The following KCNT1 variants were observed in gnomAD, a reference collection of about 807,000 sequenced individuals.
The protein encoded by KCNT1 is potassium sodium-activated channel subfamily T member 1.
KCNT1 carries 78 observed loss-of-function variants against 147.8 expected under a neutral mutation model. The ratio of observed to expected loss-of-function variants is 0.53; its 90% confidence interval spans 0.44 to 0.64. The LOEUF (loss-of-function observed/expected upper bound fraction) is 0.64. KCNT1 is among the 30% of genes least tolerant of loss of function. The pLI is 0.00. For missense variants in KCNT1, 1,419 were observed against 1,750.3 expected (o/e 0.81, Z 3.38); for synonymous variants, 867 against 748.8 (o/e 1.16, Z -2.58).
At chr9:135,781,117 C>T (rs546008484) in intron 24 of KCNT1, among the ~76,000 whole-genome samples, 2 of 152,362 alleles carry the variant, frequency 1.3e-5, no homozygotes, top group African/African-American at 2.4e-5. Flanking sequence ...GTTGCCGGGG[C>T]GGGTGCGGCC....
chr9:135,752,683 AGTGGATGGGTGGATAATGGATGGATAG>A lies in KCNT1; in HGVS notation c.435-1246_435-1220del, dbSNP rs1201448585. ...GATGGATGGAGTGGATGGAGGGATGAGTGGATGGGTGGATAATGGATGGATAGGTGGATGCATGGTGGGTAGATGGAT... is the reference window on the plus strand; with the variant it reads ...GATGGATGGAGTGGATGGAGGGATGAGTGGATGCATGGTGGGTAGATGGAT... On this transcript the variant is annotated intron_variant, in intron 4 of 30. Transcript: ENST00000371757. The surrounding 1 kb of genome is among the most constrained non-coding windows in gnomAD (Gnocchi z 5.1). Among the ~76,000 whole-genome samples the A allele has an allele frequency of 2.1e-5, 3 of 145,900 alleles. No homozygotes were observed. The highest frequency in any genetic ancestry group is 4.5e-5 in the Non-Finnish European group (3 of 66,360).
At chr9:135,774,505 C>T (rs1833009393) in intron 19 of KCNT1, among the ~76,000 whole-genome samples, 1 of 131,476 alleles carries the variant, frequency 7.6e-6, no homozygotes, top group Non-Finnish European at 1.6e-5. Context: ...GTGTGTGTTG[C>T]ATATGTTGTG....
intron 2 of KCNT1, among the ~76,000 whole-genome samples, chr9:135,723,596 G>A (rs1836010587): frequency 6.6e-6 from 1 of 152,208 alleles, no homozygotes; most frequent in Admixed American, 6.5e-5. Context: ...GTCTACACGG[G>A]GCCTGCTGCC....
intron 2 of KCNT1, among the ~76,000 whole-genome samples, chr9:135,738,377 C>G (rs576821244): frequency 6.6e-6 from 1 of 152,310 alleles, no homozygotes; most frequent in East Asian, 1.9e-4. Flanking sequence ...CAACAGGGCT[C>G]GCGCTGAGAT....
chr9:135,752,547 CCCT>C lies in KCNT1; in HGVS notation c.435-1389_435-1387del, dbSNP rs1345340071. The C allele has an allele frequency of 1.7e-5, 7 of 415,332 alleles. No homozygotes were observed. Among genetic ancestry groups the C allele is most frequent in the Non-Finnish European group, 2.9e-5 (6 of 208,690 alleles). 25.7% of individuals were successfully genotyped at this position (415,332 alleles called of 1,614,324 possible). A position where few individuals can be genotyped will look rare whatever the true frequency, so the allele number is the denominator to read the frequency against. On this transcript the variant is annotated intron_variant, in intron 4 of 30. Transcript: ENST00000371757. The surrounding 1 kb of genome is among the most constrained non-coding windows in gnomAD (Gnocchi z 5.1). Reference sequence around the variant, plus strand: ...AAGTCTGTTGTGTTCACTGCCCGTCCCCTAGCACAGCGTCCAGGACATGGATGG... The same window carrying C: ...AAGTCTGTTGTGTTCACTGCCCGTCCAGCACAGCGTCCAGGACATGGATGG...
intron 2 of KCNT1, among the ~76,000 whole-genome samples, chr9:135,738,812 C>T (rs774783288): frequency 6.6e-6 from 1 of 152,130 alleles, no homozygotes; most frequent in Non-Finnish European, 1.5e-5. Flanking sequence ...CCCTGAGCTC[C>T]GGGGTCTCCT....
In KCNT1 at chr9:135,777,596, G is replaced by GC; in HGVS notation, c.2522+88dup. 3 of 1,340,168 alleles carry GC rather than the reference G, an allele frequency of 2.2e-6. No individual in the cohort carries two copies. The South Asian group carries it at 4.2e-5, about 19-fold the overall frequency. 83.0% of individuals were successfully genotyped at this position (1,340,168 alleles called of 1,614,324 possible). A position where few individuals can be genotyped will look rare whatever the true frequency, so the allele number is the denominator to read the frequency against. On this transcript the variant is annotated intron_variant, in intron 21 of 30. Coordinates refer to ENST00000371757, the MANE Select transcript of KCNT1 (RefSeq NM_020822.3). ...GCCTCCCCAACTGGGCCCACCCTTC[G>GC]CCTTTGCAGAGGGCACGGGAACATG...
At chr9:135,785,124 A>G (rs992035591) in intron 27 of KCNT1, among the ~76,000 whole-genome samples, 186 bp from the exon 28 acceptor site, 2 of 152,018 alleles carry the variant, frequency 1.3e-5, no homozygotes, top group African/African-American at 4.8e-5. Context: ...CATGACCCCT[A>G]CCGGGGGCAG....
At chr9:135,763,619 C>T (rs1040799290) in intron 11 of KCNT1, among the ~76,000 whole-genome samples, 3 of 152,172 alleles carry the variant, frequency 2.0e-5, no homozygotes, top group Admixed American at 2.0e-4. Flanking sequence ...GCTGCTTCTA[C>T]GGTGGCTGTA....
rs1162338430 is a variant in KCNT1, at chr9:135,754,531, C to A, written c.491+538C>A. ...GGGGTGCCTGGTCCAGAGATTAAGA[C>A]CTGTCCCCAGAACCTGCAAGGCATG... On this transcript the variant is annotated intron_variant, in intron 5 of 30. Transcript: ENST00000371757. 2.6e-5 allele frequency among the ~76,000 whole-genome samples: 4 copies of A among 152,328 alleles called. No homozygotes were observed. The East Asian group carries it at 7.7e-4, about 29-fold the overall frequency.
intron 2 of KCNT1, among the ~76,000 whole-genome samples, chr9:135,747,550 C>T (rs935955105): frequency 4.6e-5 from 7 of 152,166 alleles, no homozygotes; most frequent in African/African-American, 1.7e-4. Flanking sequence ...GAGCGAAAGA[C>T]ATCCATTCAG....
intron 6 of KCNT1, 95 bp from the exon 7 acceptor site, chr9:135,756,777 TG>T: frequency 1.0e-6 from 1 of 983,974 alleles, no homozygotes; most frequent in Non-Finnish European, 1.6e-6. Flanking sequence ...GACACACACC[TG>T]GCTTTGTGTG....
At position 135,714,661 on chromosome 9, in the gene KCNT1, G is replaced by C; in HGVS notation, c.195G>C (p.Pro65=). 2 of 1,485,554 alleles carry C rather than the reference G, an allele frequency of 1.3e-6. No individual in the cohort carries two copies. Among genetic ancestry groups the C allele is most frequent in the Non-Finnish European group, 1.8e-6 (2 of 1,108,612 alleles). The allele number at this position is 1,485,554 out of a possible 1,614,324, so 92.0% of individuals were successfully genotyped here. Residue 65 remains proline, a synonymous_variant, in exon 2 of 31, where the codon CCG becomes CCC. Coordinates refer to ENST00000371757, the MANE Select transcript of KCNT1 (RefSeq NM_020822.3). The surrounding 1 kb of genome is among the most constrained non-coding windows in gnomAD (Gnocchi z 6.2). ...TGGACTCCGAGGTGCTGCCCTTGCC[G>C]CCGCGCTACCGCTTCCGGGACCTGC... ...SDLDSEVLPL[P]PRYRFRDLLL... is the part of the protein sequence containing the mutation.
chr9:135,723,778 C>T (rs1256552796), intron 2 of KCNT1, among the ~76,000 whole-genome samples: 4 of 152,188 alleles, frequency 2.6e-5, no homozygotes, highest in South Asian at 2.1e-4. Flanking sequence ...AAGGCATCAC[C>T]GCCTTCAGTG....
In KCNT1 at chr9:135,757,173, G is replaced by A; in HGVS notation, c.618G>A (p.Gln206=). ...GGCCCCAGGGCAACATCTGGGAGCA[G>A]ATCTTCCGCGTGTCCTTCGTCCTGG... The part of the protein sequence containing the change: ...YLSYKGNIWE[Q]IFRVSFVLEM... Residue 206 remains glutamine (Q), a synonymous_variant, in exon 8 of 31, where the codon CAG becomes CAA. Transcript: ENST00000371757. 1 of 1,599,490 alleles carries A rather than the reference G, an allele frequency of 6.3e-7. No homozygotes were observed. The highest frequency in any genetic ancestry group is 1.1e-5 in the South Asian group (1 of 90,570).
chr9:135,758,796 C>T (rs1831695360), intron 10 of KCNT1, among the ~76,000 whole-genome samples: 1 of 152,222 alleles, frequency 6.6e-6, no homozygotes, highest in Non-Finnish European at 1.5e-5. Context: ...AGGGGACTGG[C>T]CCCTAGGCCA....
intron 18 of KCNT1, 53 bp downstream of exon 18, chr9:135,771,148 A>C (rs1056713923): frequency 4.7e-6 from 7 of 1,498,594 alleles, no homozygotes; most frequent in Admixed American, 3.7e-5. Flanking sequence ...TTGGCGGGAG[A>C]CCAGGCGGGA....
chr9:135,725,443 C>G (rs1019357790), intron 2 of KCNT1, among the ~76,000 whole-genome samples: 6 of 152,214 alleles, frequency 3.9e-5, no homozygotes, highest in Non-Finnish European at 8.8e-5. Context: ...CCGGGACAGA[C>G]GCAGAGATCA....
At chr9:135,788,825 A>C (rs1834271534) in intron 29 of KCNT1, among the ~76,000 whole-genome samples, 1 of 152,170 alleles carries the variant, frequency 6.6e-6, no homozygotes, top group African/African-American at 2.4e-5. Context: ...GTCAGTGCTC[A>C]GCAGAGTCCG....
Sources: allele counts gnomAD v4.1 joint callset (sites outside exome capture counted in the v4.1 genomes callset), GRCh38; gene constraint gnomAD v4.1.1; non-coding constraint Gnocchi (gnomAD v3.1); transcripts MANE v1.5; gene names NCBI Gene and HGNC (gene_info 2026-07-23, HGNC 2026-07-21).